Variants in SLC35D4 observed in about 807,000 individuals in gnomAD.
The protein encoded by SLC35D4 is solute carrier family 35 member D4.
the SLC35D4 span, among the ~76,000 whole-genome samples, chr18:23,246,536 C>G: frequency 1.3e-5 from 2 of 151,902 alleles, no homozygotes; most frequent in Admixed American, 1.3e-4. Context: ...GGACTACAGG[C>G]ACCCGCCACC....
the SLC35D4 span, among the ~76,000 whole-genome samples, chr18:23,384,692 C>A: frequency 6.6e-6 from 1 of 152,154 alleles, no homozygotes; most frequent in African/African-American, 2.4e-5. Context: ...CTGGATTGGC[C>A]GGGGGTAGGA....
the SLC35D4 span, chr18:23,259,701 G>A: frequency 2.6e-5 from 4 of 152,284 alleles, no homozygotes; most frequent in African/African-American, 4.8e-5. Flanking sequence ...CACTGCCAGA[G>A]GCACCTCTGT....
At chr18:23,418,645 C>T in the SLC35D4 span, among the ~76,000 whole-genome samples, 1 of 151,114 alleles carries the variant, frequency 6.6e-6, no homozygotes, top group Non-Finnish European at 1.5e-5. Context: ...GGTAGAGGAG[C>T]CAAAAGTATT....
chr18:23,410,576 G>A, the SLC35D4 span, among the ~76,000 whole-genome samples: 820 of 152,064 alleles, frequency 5.4e-3, 5 homozygotes, highest in Middle Eastern at 0.021. Flanking sequence ...AGGCTGAGAC[G>A]GGCAGATCAC....
At chr18:23,352,390 T>A in the SLC35D4 span, 13 of 880,212 alleles carry the variant, frequency 1.5e-5, no homozygotes, top group Admixed American at 6.2e-5. Context: ...CAAATTATTA[T>A]GCAACCTCTA....
chr18:23,425,134 A>G, the SLC35D4 span, among the ~76,000 whole-genome samples: 2 of 152,078 alleles, frequency 1.3e-5, no homozygotes, highest in African/African-American at 4.8e-5. Flanking sequence ...ACAGTCTCGC[A>G]CTGTTGCCCA....
chr18:23,352,796 C>G, the SLC35D4 span, among the ~76,000 whole-genome samples: 2 of 152,232 alleles, frequency 1.3e-5, no homozygotes, highest in Non-Finnish European at 2.9e-5. Context: ...TCCCCCAAAC[C>G]AGGCTGTCCT....
At chr18:23,420,734 T>C in the SLC35D4 span, among the ~76,000 whole-genome samples, 1 of 152,196 alleles carries the variant, frequency 6.6e-6, no homozygotes, top group Non-Finnish European at 1.5e-5. Flanking sequence ...TATAATTTCA[T>C]TCATCATATC....
the SLC35D4 span, among the ~76,000 whole-genome samples, chr18:23,304,590 A>G: frequency 6.5e-3 from 987 of 151,986 alleles, 10 homozygotes; most frequent in African/African-American, 0.023. Flanking sequence ...AGACGCATGT[A>G]CACATATACA....
chr18:23,403,673 A>G, the SLC35D4 span, among the ~76,000 whole-genome samples: 1 of 152,210 alleles, frequency 6.6e-6, no homozygotes, highest in African/African-American at 2.4e-5. Flanking sequence ...GACAGGAAAA[A>G]GTTGAAAACG....
At chr18:23,326,314 C>T in the SLC35D4 span, among the ~76,000 whole-genome samples, 8 of 152,162 alleles carry the variant, frequency 5.3e-5, no homozygotes, top group African/African-American at 1.7e-4. Context: ...ACCCATCTCA[C>T]GTGCAAAGAC....
the SLC35D4 span, chr18:23,370,111 G>A: frequency 1.1e-6 from 1 of 912,982 alleles, no homozygotes; most frequent in East Asian, 2.9e-5. Context: ...CCCGGGGGGT[G>A]GAGGGTGCGG....
chr18:23,349,678 T>C, the SLC35D4 span, among the ~76,000 whole-genome samples: 4 of 152,214 alleles, frequency 2.6e-5, no homozygotes, highest in African/African-American at 7.2e-5. Context: ...TAGATTGAAT[T>C]ATTTCATTTG....
chr18:23,271,078 G>A, the SLC35D4 span, among the ~76,000 whole-genome samples: 3 of 152,206 alleles, frequency 2.0e-5, no homozygotes, highest in African/African-American at 7.2e-5. Context: ...TCACAGGAGA[G>A]ACCCAGTGGC....
chr18:23,352,017 C>T, the SLC35D4 span, among the ~76,000 whole-genome samples: 1 of 152,120 alleles, frequency 6.6e-6, no homozygotes. Context: ...TGAAATATGC[C>T]ATGTTGATAA....
chr18:23,427,344 A>C, the SLC35D4 span, among the ~76,000 whole-genome samples: 1 of 152,350 alleles, frequency 6.6e-6, no homozygotes, highest in East Asian at 1.9e-4. Flanking sequence ...CAACCCCATC[A>C]AAAAGTGGGC....
the SLC35D4 span, among the ~76,000 whole-genome samples, chr18:23,429,477 C>T: frequency 6.6e-6 from 1 of 152,066 alleles, no homozygotes. Context: ...AGGTTCAAGC[C>T]ATTCTCCTGC....
chr18:23,340,951 A>C, the SLC35D4 span, among the ~76,000 whole-genome samples: 1 of 152,360 alleles, frequency 6.6e-6, no homozygotes, highest in South Asian at 2.1e-4. Flanking sequence ...TACTCAATCC[A>C]GGAAGAATTC....
the SLC35D4 span, among the ~76,000 whole-genome samples, chr18:23,292,771 T>C: frequency 4.6e-5 from 7 of 152,240 alleles, no homozygotes; most frequent in South Asian, 2.1e-4. Flanking sequence ...TGCACTACCA[T>C]TGGGAAGAAT....
Sources: allele counts gnomAD v4.1 joint callset (sites outside exome capture counted in the v4.1 genomes callset), GRCh38; gene constraint gnomAD v4.1.1; transcripts MANE v1.5; gene names NCBI Gene and HGNC (gene_info 2026-07-23, HGNC 2026-07-21).